Variants in CCDC169 observed in about 807,000 individuals in gnomAD.
CCDC169 encodes coiled-coil domain-containing protein 169.
A neutral mutation model predicts 36.0 loss-of-function variants in CCDC169; 30 were observed. That is an observed-to-expected ratio of 0.83 (90% CI 0.62 to 1.13). The LOEUF is 1.13. Among genes scored for constraint, CCDC169 ranks in the 50% most tolerant of loss-of-function variants. The probability of loss-of-function intolerance (pLI) is 0.00; values close to 1 mark genes in which losing one functional copy is unlikely to be tolerated. For synonymous variants in CCDC169, 85 were observed against 81.5 expected (o/e 1.04, Z -0.23); for missense variants, 245 against 245.9 (o/e 1.00, Z 0.03).
intron 7 of CCDC169, among the ~76,000 whole-genome samples, chr13:36,232,069 A>G (rs1870495455): frequency 6.6e-6 from 1 of 152,190 alleles, no homozygotes; most frequent in East Asian, 1.9e-4. Context: ...TAAAATAACA[A>G]CAACAGCAAC....
intron 2 of CCDC169, among the ~76,000 whole-genome samples, chr13:36,285,968 C>T (rs1878206589): frequency 6.6e-6 from 1 of 152,208 alleles, no homozygotes; most frequent in Non-Finnish European, 1.5e-5. Context: ...TCAATGAAGT[C>T]ACTTTCTCTC....
intron 2 of CCDC169, among the ~76,000 whole-genome samples, chr13:36,291,077 A>T (rs920826738): frequency 2.6e-5 from 4 of 152,160 alleles, no homozygotes; most frequent in African/African-American, 9.6e-5. Context: ...AAACTAGTTC[A>T]GGCCATTATG....
At chr13:36,277,271 C>T (rs1594070932) in intron 4 of CCDC169, among the ~76,000 whole-genome samples, 1 of 152,138 alleles carries the variant, frequency 6.6e-6, no homozygotes, top group East Asian at 1.9e-4. Context: ...ATTGAGAACA[C>T]ATGGACACAG....
chr13:36,256,546 T>C (rs1206243507), intron 4 of CCDC169, among the ~76,000 whole-genome samples: 2 of 124,270 alleles, frequency 1.6e-5, no homozygotes, highest in African/African-American at 5.3e-5. Context: ...CCTTGACATG[T>C]GGGAATATTA....
chr13:36,264,891 TTGA>T (rs1439456744), intron 4 of CCDC169, among the ~76,000 whole-genome samples: 4 of 152,194 alleles, frequency 2.6e-5, no homozygotes, highest in Non-Finnish European at 5.9e-5. Flanking sequence ...GTGGTCTGTC[TTGA>T]TGAATGTTAC....
downstream of CCDC169, chr13:36,224,932 C>G (rs1364704352): frequency 6.6e-6 from 1 of 151,778 alleles, no homozygotes; most frequent in Non-Finnish European, 1.5e-5. Context: ...GGTACTGGCA[C>G]AAAAACAGAC....
At chr13:36,280,015 A>T (rs1369561314) in intron 4 of CCDC169, 1 of 152,168 alleles carries the variant, frequency 6.6e-6, no homozygotes, top group Non-Finnish European at 1.5e-5. Context: ...GTACGTAAAT[A>T]TACTAAGGAT....
At chr13:36,243,804 C>T (rs1872162104) in intron 7 of CCDC169, among the ~76,000 whole-genome samples, 1 of 152,096 alleles carries the variant, frequency 6.6e-6, no homozygotes, top group Non-Finnish European at 1.5e-5. Flanking sequence ...TAAACTCCAT[C>T]TCAATAAATA....
downstream of CCDC169, among the ~76,000 whole-genome samples, chr13:36,228,028 C>A (rs1205419095): frequency 1.3e-5 from 2 of 152,202 alleles, no homozygotes; most frequent in Non-Finnish European, 2.9e-5. Flanking sequence ...CAAATAATAT[C>A]CATTGTTGGA....
At chr13:36,296,048 TA>T (rs1375900412) in intron 1 of CCDC169, among the ~76,000 whole-genome samples, 191 bp from the exon 2 acceptor site, 1 of 152,124 alleles carries the variant, frequency 6.6e-6, no homozygotes, top group Non-Finnish European at 1.5e-5. Context: ...AAATATGCAC[TA>T]AAGCTCAAAG....
At chr13:36,285,618 GATACATAGATAC>G (rs1242085518) in intron 2 of CCDC169, among the ~76,000 whole-genome samples, 6 of 133,502 alleles carry the variant, frequency 4.5e-5, no homozygotes, top group Admixed American at 7.6e-5. Flanking sequence ...TAGATAGATA[GATACATAGATAC>G]ATAGATACAT....
intron 1 of CCDC169, 114 bp downstream of exon 1, chr13:36,297,523 G>A: frequency 1.0e-6 from 1 of 981,348 alleles, no homozygotes; most frequent in East Asian, 2.6e-5. Flanking sequence ...GTGCCCAGGG[G>A]TTAATCACGG....
chr13:36,283,238 CA>C, intron 4 of CCDC169: 3 of 512,824 alleles, frequency 5.8e-6, no homozygotes, highest in Non-Finnish European at 1.0e-5. Flanking sequence ...ATTCAAAAAG[CA>C]ATATCTATAC....
At chr13:36,243,214 T>C (rs1006815900) in intron 7 of CCDC169, among the ~76,000 whole-genome samples, 1 of 152,112 alleles carries the variant, frequency 6.6e-6, no homozygotes. Context: ...CTAATAAACT[T>C]CCTGGCCAGG....
At position 36,297,791 on chromosome 13, in the gene CCDC169, GA is replaced by G; in HGVS notation, c.-73del. ...AGCACAAGACATTAAGGGCCACCCA[GA>G]AGCCAGTACGGCACGAGGCGGTGAA... On this transcript the variant is annotated 5_prime_UTR_variant, in exon 1 of 8. Coordinates refer to ENST00000239859, the MANE Select transcript of CCDC169 (RefSeq NM_001144981.3). The G allele has an allele frequency of 7.1e-7, 1 of 1,417,640 alleles. No homozygotes were observed. Among genetic ancestry groups the G allele is most frequent in the Non-Finnish European group, 9.7e-7 (1 of 1,032,500 alleles). 87.8% of individuals were successfully genotyped at this position (1,417,640 alleles called of 1,614,324 possible).
At chr13:36,272,079 C>A (rs200198571) in intron 4 of CCDC169, among the ~76,000 whole-genome samples, 2 of 139,532 alleles carry the variant, frequency 1.4e-5, no homozygotes, top group African/African-American at 5.4e-5. Flanking sequence ...AGTGAGGCTC[C>A]GTCTCAAAAA....
intron 2 of CCDC169, among the ~76,000 whole-genome samples, chr13:36,285,584 A>AAGATAGATAGATAGATAGATAGAT (rs367836854): frequency 3.9e-4 from 54 of 138,148 alleles, no homozygotes; most frequent in African/African-American, 5.0e-4. Flanking sequence ...AAAATAAAAT[A>AAGATAGATAGATAGATAGATAGAT]AGATAGATAG....
chr13:36,264,429 TA>T (rs915057316), intron 4 of CCDC169, among the ~76,000 whole-genome samples: 28 of 143,580 alleles, frequency 2.0e-4, no homozygotes, highest in South Asian at 6.6e-4. Context: ...GAGCAATAAA[TA>T]AAAAAAAAAG....
At chr13:36,232,913 T>C (rs78545227) in intron 7 of CCDC169, among the ~76,000 whole-genome samples, 2,721 of 152,098 alleles carry the variant, frequency 0.018, 74 homozygotes, top group African/African-American at 0.063. Flanking sequence ...AAATGAGTGT[T>C]AATAAGCTCC....
Sources: gnomAD v4.1 joint callset for allele counts (sites outside exome capture counted in the v4.1 genomes callset) on GRCh38, gnomAD v4.1.1 for gene constraint, MANE v1.5 for transcripts, NCBI Gene and HGNC (gene_info 2026-07-23, HGNC 2026-07-21) for gene names.